Variants in CYTH3 observed in about 807,000 individuals in gnomAD.
CYTH3 encodes the protein cytohesin-3.
Under a neutral mutation model 55.1 loss-of-function variants are expected in CYTH3, and 23 were observed. The ratio of observed to expected loss-of-function variants is 0.42; its 90% CI spans 0.30 to 0.59. The LOEUF is 0.59. Ranked by LOEUF, CYTH3 falls within the 20% of genes least tolerant of loss-of-function variation. The pLI, the probability that CYTH3 is intolerant of heterozygous loss-of-function variation, is 0.20. For missense variants in CYTH3, 413 were observed against 524.8 expected, an observed-to-expected ratio of 0.79 and a Z score of 2.08; for synonymous variants, 249 against 194.9, an observed-to-expected ratio of 1.28 and a Z score of -2.31.
rs552487948 is a variant in CYTH3, at chr7:6,165,767, G to C, written c.867C>G (p.Thr289=). The C allele has an allele frequency of 6.8e-6, 11 of 1,614,084 alleles. No individual in the cohort carries two copies. The highest frequency in any genetic ancestry group is 4.4e-5 in the South Asian group (4 of 91,088). ...KTWKRRWFIL[T]DNCLYYFEYT... ...ATTCAAAGTAATAGAGGCAGTTATC[G>C]GTCAGGATGAACCACCGGCGCTTCC... The change falls in exon 10 of 13, where the codon ACC becomes ACG. Residue 289 remains threonine (T), a synonymous_variant. Coordinates refer to ENST00000350796, the MANE Select transcript of CYTH3 (RefSeq NM_004227.4).
intron 1 of CYTH3, among the ~76,000 whole-genome samples, chr7:6,257,225 G>GA (rs1780152395): frequency 6.6e-6 from 1 of 152,152 alleles, no homozygotes; most frequent in Admixed American, 6.5e-5. Flanking sequence ...CCACGCCTGG[G>GA]AAATACAGCC....
chr7:6,197,549 G>A (rs772823374), intron 1 of CYTH3, among the ~76,000 whole-genome samples: 1 of 152,096 alleles, frequency 6.6e-6, no homozygotes, highest in Non-Finnish European at 1.5e-5. Context: ...CAGATGTAAT[G>A]GTGGGTGCCT....
intron 1 of CYTH3, among the ~76,000 whole-genome samples, chr7:6,223,177 C>A (rs1179581188): frequency 6.6e-6 from 1 of 152,096 alleles, no homozygotes; most frequent in Non-Finnish European, 1.5e-5. Flanking sequence ...GTGGGGGGCG[C>A]CTCTGCCCGG....
At chr7:6,269,186 G>A (rs1780587041) in intron 1 of CYTH3, among the ~76,000 whole-genome samples, 1 of 152,156 alleles carries the variant, frequency 6.6e-6, no homozygotes. Flanking sequence ...CAGGGAAAGG[G>A]CAAGAAACGG....
chr7:6,179,537 T>A (rs908322963), intron 4 of CYTH3, among the ~76,000 whole-genome samples: 1 of 151,824 alleles, frequency 6.6e-6, no homozygotes, highest in Non-Finnish European at 1.5e-5. Context: ...TCAATTCTCA[T>A]ATGTATCTGG....
Position 6,169,825 on chromosome 7 carries a change from G to T in CYTH3, c.823+710C>A, listed in dbSNP as rs943872709. ...TGGCTGTCTGCTTCTCTACTGCTGC[G>T]GACCCCTAGAGACACAGGGTGGGGG... is the stretch of plus-strand genomic sequence containing the variant. On this transcript the variant is annotated intron_variant, in intron 9 of 12. Coordinates refer to ENST00000350796, the MANE Select transcript of CYTH3 (RefSeq NM_004227.4). The surrounding 1 kb of genome is among the most constrained non-coding windows in gnomAD (Gnocchi z 4.1). Among the ~76,000 whole-genome samples the T allele has an allele frequency of 6.6e-6, 1 of 152,096 alleles. No homozygotes were observed. Among genetic ancestry groups the T allele is most frequent in the Non-Finnish European group, 1.5e-5 (1 of 67,990 alleles).
At chr7:6,212,169 T>C (rs1325031346) in intron 1 of CYTH3, among the ~76,000 whole-genome samples, 3 of 152,260 alleles carry the variant, frequency 2.0e-5, no homozygotes, top group Middle Eastern at 3.4e-3. Flanking sequence ...GGTCTCCCGA[T>C]GTTTCCCACA....
At chr7:6,227,617 T>C (rs1178711576) in intron 1 of CYTH3, among the ~76,000 whole-genome samples, 2 of 152,330 alleles carry the variant, frequency 1.3e-5, no homozygotes, top group East Asian at 1.9e-4. Context: ...CAAAAGGCTT[T>C]AGGCAGCTTT....
chr7:6,222,746 CAAA>C (rs537257938), intron 1 of CYTH3, among the ~76,000 whole-genome samples: 1 of 65,450 alleles, frequency 1.5e-5, no homozygotes. Context: ...GACTCCGTTT[CAAA>C]AAAAAAAAAA....
rs556032895 is a variant in CYTH3, at chr7:6,197,448, C to T, written c.35-6917G>A. ...CTGTAATCTCAGCACTTTGGAAGGCCGAAGTGGGCGGATCACCTAAGGTCA... is the reference window on the plus strand; with the variant it reads ...CTGTAATCTCAGCACTTTGGAAGGCTGAAGTGGGCGGATCACCTAAGGTCA... On this transcript the variant is annotated intron_variant, in intron 1 of 12. Coordinates refer to ENST00000350796, the MANE Select transcript of CYTH3 (RefSeq NM_004227.4). Among the ~76,000 whole-genome samples, 57 of 152,276 alleles carry T rather than the reference C, an allele frequency of 3.7e-4. 1 individual carries two copies. In the East Asian group the frequency reaches 9.7e-3, roughly 26 times the overall value.
chr7:6,165,873 G>A (rs1782985581), intron 9 of CYTH3, 63 bp from the exon 10 acceptor site: 2 of 1,547,440 alleles, frequency 1.3e-6, no homozygotes, highest in East Asian at 2.2e-5. Flanking sequence ...GGTCCAAGAG[G>A]GGGCCCTGGA....
At chr7:6,240,201 A>T (rs1463364649) in intron 1 of CYTH3, among the ~76,000 whole-genome samples, 1 of 151,478 alleles carries the variant, frequency 6.6e-6, no homozygotes, top group Non-Finnish European at 1.5e-5. Context: ...AGCTACTCAG[A>T]AGGCTGAGGC....
rs1783188745 is a variant in CYTH3, at chr7:6,171,376, G to A, written c.450-62C>T. ...AACCAACACCGCCTCACGGCCAAGG[G>A]CGGCTTCTGCCCAGCTCAGGAAGGA... On this transcript the variant is annotated intron_variant, in intron 6 of 12. Coordinates refer to ENST00000350796, the MANE Select transcript of CYTH3 (RefSeq NM_004227.4). This position sits in a 1 kb window ranked among gnomAD's most constrained non-coding sequence, Gnocchi z 6.7. 1 of 1,526,994 alleles carries A rather than the reference G, an allele frequency of 6.5e-7. No homozygotes were observed. Among genetic ancestry groups the A allele is most frequent in the Non-Finnish European group, 9.1e-7 (1 of 1,104,030 alleles). The allele number at this position is 1,526,994 out of a possible 1,614,324, so 94.6% of individuals were successfully genotyped here. A position where few individuals can be genotyped will look rare whatever the true frequency, so the allele number is the denominator to read the frequency against.
chr7:6,215,799 C>A (rs956118563), intron 1 of CYTH3, among the ~76,000 whole-genome samples: 1 of 152,060 alleles, frequency 6.6e-6, no homozygotes, highest in Non-Finnish European at 1.5e-5. Context: ...TTGAAACCAA[C>A]CAGGGAAAAT....
At chr7:6,237,035 A>T (rs895886010) in intron 1 of CYTH3, among the ~76,000 whole-genome samples, 1 of 152,352 alleles carries the variant, frequency 6.6e-6, no homozygotes, top group Non-Finnish European at 1.5e-5. Context: ...CGGCTCACAG[A>T]AGGCTCATGT....
At chr7:6,225,551 T>G (rs1220053043) in intron 1 of CYTH3, among the ~76,000 whole-genome samples, 1 of 152,014 alleles carries the variant, frequency 6.6e-6, no homozygotes, top group African/African-American at 2.4e-5. Flanking sequence ...AGTCAGGGTT[T>G]CTCCATGTTG....
intron 1 of CYTH3, among the ~76,000 whole-genome samples, chr7:6,270,017 AT>A (rs1780611566): frequency 6.6e-6 from 1 of 152,194 alleles, no homozygotes; most frequent in Non-Finnish European, 1.5e-5. Flanking sequence ...ATACCAAAAA[AT>A]GTTATGCTTT....
chr7:6,259,759 ATATATATATATATTATATATATATAAT>A (rs1780245271), intron 1 of CYTH3, among the ~76,000 whole-genome samples: 16 of 26,586 alleles, frequency 6.0e-4, no homozygotes, highest in Admixed American at 1.9e-3. Flanking sequence ...TATATATATT[ATATATATATATATTATATATATATAAT>A]ATATATATAT....
intron 1 of CYTH3, among the ~76,000 whole-genome samples, chr7:6,203,925 G>C (rs1005128205): frequency 6.6e-6 from 1 of 151,888 alleles, no homozygotes. Flanking sequence ...CACTGTGTTA[G>C]CCAGGATGGT....
Sources: allele counts gnomAD v4.1 joint callset (sites outside exome capture counted in the v4.1 genomes callset), GRCh38; gene constraint gnomAD v4.1.1; non-coding constraint Gnocchi (gnomAD v3.1); transcripts MANE v1.5; gene names NCBI Gene and HGNC (gene_info 2026-07-23, HGNC 2026-07-21).